Variants in TSHZ2 observed in about 807,000 individuals in gnomAD.
The protein encoded by TSHZ2 is teashirt zinc finger homeobox 2.
A neutral mutation model predicts 74.4 loss-of-function variants in TSHZ2; 21 were observed. That is an observed-to-expected ratio of 0.28 (90% CI 0.20 to 0.41). TSHZ2 has a LOEUF of 0.41. Ranked by LOEUF, TSHZ2 falls within the 10% of genes least tolerant of loss-of-function variation. The probability of loss-of-function intolerance (pLI) is 1.00; values close to 1 mark genes in which losing one functional copy is unlikely to be tolerated. For synonymous variants in TSHZ2, 540 were observed against 515.3 expected (o/e 1.05, Z -0.65); for missense variants, 1,244 against 1,293.5 (o/e 0.96, Z 0.59).
Position 53,488,810 on chromosome 20 carries a change from T to G in TSHZ2, c.*1675T>G. On this transcript the variant is annotated 3_prime_UTR_variant, in exon 3 of 3. Transcript: ENST00000371497. ...TGGAATTGTTTTGGAAATTTTGACA[T>G]GATCCCTAAATTCAACATTGGGATT... 1 of 323,632 alleles carries G rather than the reference T, an allele frequency of 3.1e-6. No individual in the cohort carries two copies. Among genetic ancestry groups the G allele is most frequent in the Non-Finnish European group, 6.0e-6 (1 of 166,408 alleles). The allele number at this position is 323,632 out of a possible 1,614,324, so 20.0% of individuals were successfully genotyped here. A position where few individuals can be genotyped will look rare whatever the true frequency, so the allele number is the denominator to read the frequency against.
At chr20:53,340,716 G>T (rs1600819157) in intron 2 of TSHZ2, among the ~76,000 whole-genome samples, 1 of 152,232 alleles carries the variant, frequency 6.6e-6, no homozygotes, top group African/African-American at 2.4e-5. Flanking sequence ...CCTAACTTGG[G>T]CTAGTTCGTC....
Position 53,095,539 on chromosome 20 carries a change from G to GAAC in TSHZ2, c.40+122214_40+122216dup, listed in dbSNP as rs140183258. 7.0e-4 allele frequency among the ~76,000 whole-genome samples: 107 copies of GAAC among 152,140 alleles called. 2 individuals are homozygous for GAAC. In the South Asian group the frequency reaches 0.021, roughly 30 times the overall value. ...AGAAGCAGCATGAATAGGTGGCAGGGAACAACAACAGCAGCAACAATAATA... is the reference window on the plus strand; with the variant it reads ...AGAAGCAGCATGAATAGGTGGCAGGGAACAACAACAACAGCAGCAACAATAATA... On this transcript the variant is annotated intron_variant, in intron 1 of 2. Transcript: ENST00000371497.
intron 1 of TSHZ2, among the ~76,000 whole-genome samples, chr20:53,025,440 T>C (rs1398095609): frequency 2.0e-5 from 3 of 152,200 alleles, no homozygotes; most frequent in Non-Finnish European, 4.4e-5. Context: ...TGGATCCAAC[T>C]AAGCCCAGAT....
At chr20:53,159,767 ATTCATTCATTTTT>A (rs762410663) in intron 1 of TSHZ2, among the ~76,000 whole-genome samples, 13 of 151,998 alleles carry the variant, frequency 8.6e-5, no homozygotes, top group Non-Finnish European at 1.8e-4. Context: ...CAGTAAATTT[ATTCATTCATTTTT>A]TTCATTCATT....
chr20:53,457,219 C>G lies in TSHZ2; in HGVS notation c.*9-29925C>G, dbSNP rs188851271. ...GGAATGTTCTTCCAGTTGTTTGTATCCTCTTTTATTTCTTTGAGCAGCAGT... is the reference window on the plus strand; with the variant it reads ...GGAATGTTCTTCCAGTTGTTTGTATGCTCTTTTATTTCTTTGAGCAGCAGT... On this transcript the variant is annotated intron_variant, in intron 2 of 2. Coordinates refer to ENST00000371497, the MANE Select transcript of TSHZ2 (RefSeq NM_173485.6). 7.5e-5 allele frequency among the ~76,000 whole-genome samples: 11 copies of G among 145,816 alleles called. 1 individual carries two copies. The highest frequency in any genetic ancestry group is 5.5e-4 in the Admixed American group (8 of 14,576).
chr20:53,379,114 G>T (rs1216770810), intron 2 of TSHZ2, among the ~76,000 whole-genome samples: 2 of 152,186 alleles, frequency 1.3e-5, no homozygotes, highest in Non-Finnish European at 2.9e-5. Flanking sequence ...AGGCATGGTG[G>T]CACATGCCTG....
chr20:53,484,323 C>G (rs949395844), intron 2 of TSHZ2, among the ~76,000 whole-genome samples: 1 of 151,928 alleles, frequency 6.6e-6, no homozygotes, highest in Non-Finnish European at 1.5e-5. Flanking sequence ...AATTTAAAGC[C>G]ATCCTCTGCT....
At position 53,494,841 on chromosome 20, in the gene TSHZ2, A is replaced by C. The variant is rs1600679940; in HGVS notation, c.*7706A>C. ...TAACTCTTGCCTTTGTGTTGAAAAA[A>C]AAAAAGTCTCTTTTTTTTCCCCCAC... On this transcript the variant is annotated 3_prime_UTR_variant, in exon 3 of 3. Coordinates refer to ENST00000371497, the MANE Select transcript of TSHZ2 (RefSeq NM_173485.6). 1 of 152,134 alleles carries C rather than the reference A, an allele frequency of 6.6e-6. No individual in the cohort carries two copies. Among genetic ancestry groups the C allele is most frequent in the African/African-American group, 2.4e-5 (1 of 41,438 alleles). 9.4% of individuals were successfully genotyped at this position (152,134 alleles called of 1,614,324 possible). A position where few individuals can be genotyped will look rare whatever the true frequency, so the allele number is the denominator to read the frequency against.
At chr20:53,161,130 C>CAAAAAAAAA (rs368626161) in intron 1 of TSHZ2, among the ~76,000 whole-genome samples, 4,854 of 67,804 alleles carry the variant, frequency 0.072, 855 homozygotes, top group African/African-American at 0.13. Flanking sequence ...TTATTTTCAG[C>CAAAAAAAAA]AAAAAAAAAA....
At chr20:53,159,168 TC>T (rs1370770606) in intron 1 of TSHZ2, among the ~76,000 whole-genome samples, 5 of 152,156 alleles carry the variant, frequency 3.3e-5, no homozygotes, top group African/African-American at 2.4e-5. Context: ...CCCAGAGAGA[TC>T]AATTGATGTG....
chr20:53,286,683 G>A (rs1478686725), intron 2 of TSHZ2, among the ~76,000 whole-genome samples: 1 of 152,112 alleles, frequency 6.6e-6, no homozygotes, highest in Non-Finnish European at 1.5e-5. Context: ...GAGCCCAGGA[G>A]TTTGAGACCA....
intron 1 of TSHZ2, among the ~76,000 whole-genome samples, chr20:53,247,398 C>T (rs1568832677): frequency 6.6e-6 from 1 of 152,288 alleles, no homozygotes; most frequent in East Asian, 1.9e-4. Flanking sequence ...AAACAAAAAG[C>T]AGAGGGATCC....
At chr20:53,222,336 G>A (rs1251941918) in intron 1 of TSHZ2, among the ~76,000 whole-genome samples, 1 of 152,168 alleles carries the variant, frequency 6.6e-6, no homozygotes, top group Non-Finnish European at 1.5e-5. Flanking sequence ...CCTCTCTACA[G>A]ACACTCAGCT....
chr20:53,178,657 T>C (rs1418177454), intron 1 of TSHZ2: 3 of 152,228 alleles, frequency 2.0e-5, no homozygotes. Context: ...TCATGTTTTA[T>C]GGAGTTTGAT....
chr20:53,368,137 T>G (rs1012161068), intron 2 of TSHZ2, among the ~76,000 whole-genome samples: 1 of 151,966 alleles, frequency 6.6e-6, no homozygotes, highest in Non-Finnish European at 1.5e-5. Context: ...ATGATTCATT[T>G]GCTTCTTGGT....
chr20:53,492,394 C>A lies in TSHZ2; in HGVS notation c.*5259C>A, dbSNP rs1986473304. The A allele has an allele frequency of 6.6e-6, 1 of 152,188 alleles. No homozygotes were observed. 9.4% of individuals were successfully genotyped at this position (152,188 alleles called of 1,614,324 possible). On this transcript the variant is annotated 3_prime_UTR_variant, in exon 3 of 3. Coordinates refer to ENST00000371497, the MANE Select transcript of TSHZ2 (RefSeq NM_173485.6). ...CATTGAAGTAAATATTACAAACATT[C>A]CAGTTTCGCAATACAATACTTGAGC...
chr20:53,111,194 T>A (rs951558431), intron 1 of TSHZ2, among the ~76,000 whole-genome samples: 4 of 152,180 alleles, frequency 2.6e-5, no homozygotes, highest in Admixed American at 2.0e-4. Context: ...AGGAAGAATA[T>A]CTGCATAATA....
chr20:53,306,200 C>A (rs1033360273), intron 2 of TSHZ2, among the ~76,000 whole-genome samples: 1 of 152,128 alleles, frequency 6.6e-6, no homozygotes, highest in African/African-American at 2.4e-5. Context: ...GTGTGCAAGA[C>A]AAGAGGACTG....
intron 1 of TSHZ2, among the ~76,000 whole-genome samples, chr20:53,053,859 C>T (rs949653360): frequency 6.6e-6 from 1 of 152,218 alleles, no homozygotes; most frequent in African/African-American, 2.4e-5. Flanking sequence ...GTGAAAGCCA[C>T]TGCATTTGTC....
Sources: gnomAD v4.1 joint callset for allele counts (sites outside exome capture counted in the v4.1 genomes callset) on GRCh38, gnomAD v4.1.1 for gene constraint, MANE v1.5 for transcripts, NCBI Gene and HGNC (gene_info 2026-07-23, HGNC 2026-07-21) for gene names.